The following C9orf85 variants were observed in gnomAD, a reference collection of about 807,000 sequenced individuals.
The protein encoded by C9orf85 is chromosome 9 open reading frame 85.
C9orf85 carries 16 observed loss-of-function variants against 14.9 expected under a neutral mutation model. The ratio of observed to expected loss-of-function variants is 1.08; its 90% CI spans 0.73 to 1.63. The LOEUF is 1.63. Among genes scored for constraint, C9orf85 ranks in the 40% most tolerant of loss-of-function variants. C9orf85 has a pLI of 0.00. For missense variants in C9orf85, 172 were observed against 186.1 expected, an observed-to-expected ratio of 0.92 and a Z score of 0.44; for synonymous variants, 45 against 56.8, an observed-to-expected ratio of 0.79 and a Z score of 0.93.
chr9:71,985,235 G>A (rs1270505973), downstream of C9orf85: 1 of 152,238 alleles, frequency 6.6e-6, no homozygotes, highest in African/African-American at 2.4e-5. Context: ...ACATTCAGCA[G>A]TATCCAAGCT....
chr9:71,979,331 G>A (rs1419204002), intron 3 of C9orf85, among the ~76,000 whole-genome samples: 1 of 152,164 alleles, frequency 6.6e-6, no homozygotes, highest in Non-Finnish European at 1.5e-5. Flanking sequence ...TAAACTTATT[G>A]TGAGTATTAA....
chr9:71,976,061 A>T (rs984933642), downstream of C9orf85, among the ~76,000 whole-genome samples: 1 of 152,196 alleles, frequency 6.6e-6, no homozygotes. Flanking sequence ...GCTGCATTTC[A>T]TTCCTTAGTG....
At chr9:71,963,177 T>A (rs981780993) in intron 2 of C9orf85, among the ~76,000 whole-genome samples, 1 of 152,198 alleles carries the variant, frequency 6.6e-6, no homozygotes, top group Non-Finnish European at 1.5e-5. Context: ...AATTTGATGC[T>A]ACTGTTTTTG....
intron 1 of C9orf85, among the ~76,000 whole-genome samples, chr9:71,919,218 C>T (rs1207612067): frequency 6.6e-6 from 1 of 152,174 alleles, no homozygotes; most frequent in African/African-American, 2.4e-5. Flanking sequence ...GGTCTTTGTC[C>T]TGTCTCCCCA....
chr9:71,930,675 C>T (rs1589250858), intron 1 of C9orf85, among the ~76,000 whole-genome samples: 1 of 151,118 alleles, frequency 6.6e-6, no homozygotes, highest in East Asian at 2.0e-4. Flanking sequence ...CATGGTGGCA[C>T]ATGCCTGTGG....
intron 1 of C9orf85, among the ~76,000 whole-genome samples, chr9:71,945,370 G>C (rs750753425): frequency 6.6e-6 from 1 of 152,192 alleles, no homozygotes; most frequent in Non-Finnish European, 1.5e-5. Flanking sequence ...ACAGTTAGGG[G>C]CCTAGAGTAA....
chr9:71,916,451 A>C (rs1357815403), intron 1 of C9orf85, among the ~76,000 whole-genome samples: 1 of 152,106 alleles, frequency 6.6e-6, no homozygotes, highest in South Asian at 2.1e-4. Flanking sequence ...CGTAGTATAC[A>C]TTGGAATAAA....
chr9:71,971,732 G>A, intron 3 of C9orf85, 114 bp downstream of exon 3: 1 of 637,768 alleles, frequency 1.6e-6, no homozygotes, highest in Non-Finnish European at 2.7e-6. Context: ...CCAGTACTTT[G>A]GGAGGCCAAG....
chr9:71,915,040 C>T (rs961090782), intron 1 of C9orf85, among the ~76,000 whole-genome samples: 1 of 152,120 alleles, frequency 6.6e-6, no homozygotes, highest in African/African-American at 2.4e-5. Context: ...CATTCCTTAG[C>T]CCCAGTTCTG....
intron 1 of C9orf85, among the ~76,000 whole-genome samples, chr9:71,921,444 A>G (rs1272583030): frequency 6.6e-6 from 1 of 152,260 alleles, no homozygotes; most frequent in East Asian, 1.9e-4. Context: ...ATTGCCAGTC[A>G]GGAAATCTTT....
At chr9:71,961,517 C>T (rs781223426) in intron 2 of C9orf85, among the ~76,000 whole-genome samples, 13 of 152,018 alleles carry the variant, frequency 8.6e-5, no homozygotes, top group African/African-American at 2.7e-4. Flanking sequence ...GCTGAGATCG[C>T]GCCACTGCAC....
intron 1 of C9orf85, among the ~76,000 whole-genome samples, chr9:71,929,820 A>G (rs2132272117): frequency 7.0e-6 from 1 of 143,290 alleles, no homozygotes; most frequent in Admixed American, 7.1e-5. Flanking sequence ...CTAAAAAGCT[A>G]TAGGAACACA....
chr9:71,964,061 A>G (rs919598692), intron 2 of C9orf85, among the ~76,000 whole-genome samples: 9 of 151,754 alleles, frequency 5.9e-5, no homozygotes, highest in South Asian at 2.1e-4. Context: ...AAATACACCA[A>G]TCAGCACCCT....
chr9:71,942,678 G>T (rs535628235), intron 1 of C9orf85, among the ~76,000 whole-genome samples: 1 of 152,130 alleles, frequency 6.6e-6, no homozygotes, highest in Non-Finnish European at 1.5e-5. Context: ...CAAGGTGGGC[G>T]GATCACTTGA....
chr9:71,965,632 T>A lies in C9orf85; in HGVS notation c.210-5873T>A, dbSNP rs552700211. On this transcript the variant is annotated intron_variant, in intron 2 of 3. Transcript: ENST00000334731. ...GTTTTTTGTATAGATGGGGTCTCTC[T>A]ATGTTGCCCAGGCTGTTCTCTAACT... Among the ~76,000 whole-genome samples the A allele has an allele frequency of 3.3e-5, 5 of 152,270 alleles. No homozygotes were observed. In the East Asian group the frequency reaches 9.6e-4, roughly 29 times the overall value.
intron 2 of C9orf85, 30 bp downstream of exon 2, chr9:71,947,142 G>C (rs376725806): frequency 1.1e-4 from 155 of 1,365,592 alleles, no homozygotes; most frequent in Non-Finnish European, 7.4e-5. Flanking sequence ...TACCTTACTT[G>C]GTGGTATATG....
intron 2 of C9orf85, among the ~76,000 whole-genome samples, chr9:71,956,817 A>G (rs1822392132): frequency 6.6e-6 from 1 of 152,190 alleles, no homozygotes; most frequent in Admixed American, 6.5e-5. Context: ...TCATAGCCAG[A>G]GAAGAGTCTT....
At chr9:71,945,236 T>C (rs928573694) in intron 1 of C9orf85, among the ~76,000 whole-genome samples, 2 of 152,198 alleles carry the variant, frequency 1.3e-5, no homozygotes, top group Non-Finnish European at 2.9e-5. Flanking sequence ...AGAAGACAAA[T>C]GATGAATGTG....
chr9:71,954,253 A>C, intron 2 of C9orf85, among the ~76,000 whole-genome samples: 1 of 121,394 alleles, frequency 8.2e-6, no homozygotes, highest in East Asian at 2.7e-4. Context: ...ATAATGTGAG[A>C]GTTGGCTGGG....
Sources: allele counts gnomAD v4.1 joint callset (sites outside exome capture counted in the v4.1 genomes callset), GRCh38; gene constraint gnomAD v4.1.1; transcripts MANE v1.5; gene names NCBI Gene and HGNC (gene_info 2026-07-23, HGNC 2026-07-21).